Variants in RGSL1 observed in about 807,000 individuals in gnomAD.
The protein encoded by RGSL1 is regulator of G protein signaling protein-like.
In RGSL1, 97 loss-of-function variants were observed where a neutral mutation model predicts 124.7. The observed-to-expected ratio is 0.78, with a 90% CI of 0.66 to 0.92. The LOEUF (loss-of-function observed/expected upper bound fraction) is 0.92. RGSL1 is among the 40% of genes least tolerant of loss of function. RGSL1 has a pLI of 0.00. For missense variants in RGSL1, 1,233 were observed against 1,288.4 expected (o/e 0.96, Z 0.66); for synonymous variants, 424 against 438.1 (o/e 0.97, Z 0.40).
In RGSL1 at chr1:182,460,020, G is replaced by T. The variant is rs551932979; in HGVS notation, c.188G>T (p.Gly63Val). ...TGACTCTAGATTGCCAAATACAAAG[G>T]GTTATTGACCTGGTTGGAAAAATGC... ...IPCNLIAKYKGLLTWLEKCRL... is the reference protein window; with the variant it reads ...IPCNLIAKYKVLLTWLEKCRL... The change falls in exon 4 of 22, where the codon GGG becomes GTG. Residue 63 changes from glycine to valine, a missense_variant. Transcript: ENST00000294854. The T allele has an allele frequency of 1.3e-6, 2 of 1,551,430 alleles. No individual in the cohort carries two copies. The highest frequency in any genetic ancestry group is 1.7e-6 in the Non-Finnish European group (2 of 1,146,916).
chr1:182,506,373 T>A (rs902414834), intron 9 of RGSL1, among the ~76,000 whole-genome samples: 1 of 152,176 alleles, frequency 6.6e-6, no homozygotes, highest in Non-Finnish European at 1.5e-5. Context: ...ACATTACTAA[T>A]CTCCCACTCT....
chr1:182,457,766 T>C (rs1161954027), intron 2 of RGSL1, among the ~76,000 whole-genome samples: 1 of 152,224 alleles, frequency 6.6e-6, no homozygotes, highest in Non-Finnish European at 1.5e-5. Context: ...CAAAGGGGGT[T>C]GCCTAGGTGA....
chr1:182,557,958 C>T (rs928443359), intron 21 of RGSL1, among the ~76,000 whole-genome samples: 2 of 152,042 alleles, frequency 1.3e-5, no homozygotes, highest in African/African-American at 2.4e-5. Context: ...GTGGTAGAGA[C>T]TGTGGTGAAC....
intron 18 of RGSL1, among the ~76,000 whole-genome samples, chr1:182,551,697 A>T (rs1456531530): frequency 6.6e-6 from 1 of 152,134 alleles, no homozygotes; most frequent in Non-Finnish European, 1.5e-5. Context: ...ACACATATTT[A>T]CTTATGTAAA....
Position 182,548,361 on chromosome 1 carries a change from G to A in RGSL1, c.2714G>A (p.Arg905Gln), listed in dbSNP as rs202140120. 155 of 1,551,808 alleles carry A rather than the reference G, an allele frequency of 1.0e-4. No individual in the cohort carries two copies. The highest frequency in any genetic ancestry group is 1.2e-4 in the Non-Finnish European group (139 of 1,147,000). The change falls in exon 16 of 22, where the codon CGG becomes CAG. Residue 905 changes from arginine (R) to glutamine (Q), a missense_variant. Physicochemically the swap from Arg to Gln is conservative, Grantham distance 43. Transcript: ENST00000294854. ...TCAGCCCACATGCTGCAGGTCAACC[G>A]GGCATATAATGAGAATGATGTGATC... The part of the protein sequence containing the change: ...VSSAHMLQVN[R>Q]AYNENDVILM...
At chr1:182,472,012 G>A (rs1018482925) in intron 4 of RGSL1, among the ~76,000 whole-genome samples, 1 of 152,130 alleles carries the variant, frequency 6.6e-6, no homozygotes, top group African/African-American at 2.4e-5. Flanking sequence ...GCATCTTTTG[G>A]CTCCAGTGTC....
At position 182,472,330 on chromosome 1, in the gene RGSL1, C is replaced by T. The variant is rs1039522369; in HGVS notation, c.302-66C>T. 3.6e-5 allele frequency: 51 copies of T among 1,434,662 alleles called. No individual in the cohort carries two copies. In the African/African-American group the frequency reaches 7.0e-4, roughly 20 times the overall value. The allele number at this position is 1,434,662 out of a possible 1,614,324, so 88.9% of individuals were successfully genotyped here. ...TGGTGGGGGATGTCAGTTGATTCAC[C>T]CAGATGCAACCACCAAAGGGGCAAA... On this transcript the variant is annotated intron_variant, in intron 4 of 21. Coordinates refer to ENST00000294854, the MANE Select transcript of RGSL1 (RefSeq NM_001137669.2).
intron 17 of RGSL1, chr1:182,550,662 T>C: frequency 6.3e-6 from 1 of 159,248 alleles, no homozygotes; most frequent in South Asian, 1.9e-4. Context: ...TAGAGTGAGG[T>C]GGTCAAGGCT....
In RGSL1 at chr1:182,461,359, A is replaced by C. The variant is rs74128927; in HGVS notation, c.301+1226A>C. Among the ~76,000 whole-genome samples the C allele has an allele frequency of 7.4e-3, 1,118 of 150,766 alleles. 26 individuals carry two copies. The highest frequency in any genetic ancestry group is 0.026 in the African/African-American group (1,062 of 41,120). On this transcript the variant is annotated intron_variant, in intron 4 of 21. Coordinates refer to ENST00000294854, the MANE Select transcript of RGSL1 (RefSeq NM_001137669.2). Reference sequence around the variant, plus strand: ...ACAACTAACAAAATTAACAACAAAAACCCCCCCAGCAAACTCTGTGAAAAG... The same window carrying C: ...ACAACTAACAAAATTAACAACAAAACCCCCCCCAGCAAACTCTGTGAAAAG...
At chr1:182,460,254 A>T (rs1652710585) in intron 4 of RGSL1, 121 bp downstream of exon 4, 4 of 1,313,168 alleles carry the variant, frequency 3.0e-6, no homozygotes, top group Non-Finnish European at 4.0e-6. Context: ...GTGTAGAAAT[A>T]TAGGAAGTCA....
Position 182,473,723 on chromosome 1 carries a change from G to T in RGSL1, c.612G>T (p.Lys204Asn). ...FYTHTKMTMA[K>N]EEACHGLMQE... The stretch of plus-strand genomic sequence containing the variant: ...CCCACACCAAGATGACCATGGCCAA[G>T]GAGGAAGCATGCCATGGTCTGATGC... The change falls in exon 6 of 22, where the codon AAG (lysine) becomes AAT (asparagine). Residue 204 changes from lysine (K) to asparagine (N), a missense_variant. Physicochemically the swap from Lys to Asn is moderately conservative, Grantham distance 94. Transcript: ENST00000294854. 6.4e-7 allele frequency: 1 copy of T among 1,551,792 alleles called. No individual in the cohort carries two copies. Among genetic ancestry groups the T allele is most frequent in the South Asian group, 1.2e-5 (1 of 84,062 alleles).
intron 14 of RGSL1, among the ~76,000 whole-genome samples, chr1:182,538,603 A>G (rs1310425928): frequency 1.3e-5 from 2 of 152,192 alleles, no homozygotes; most frequent in African/African-American, 4.8e-5. Context: ...TGTAGGGAAT[A>G]TACTACACAA....
chr1:182,533,269 G>A (rs992592463), intron 14 of RGSL1, among the ~76,000 whole-genome samples: 6 of 146,418 alleles, frequency 4.1e-5, no homozygotes, highest in Non-Finnish European at 5.9e-5. Context: ...CAAAATTGAT[G>A]CCACATATTT....
At position 182,512,421 on chromosome 1, in the gene RGSL1, C is replaced by A. The variant is rs534126972; in HGVS notation, c.1826-9583C>A. Among the ~76,000 whole-genome samples the A allele has an allele frequency of 7.9e-5, 12 of 152,314 alleles. No individual in the cohort carries two copies. In the East Asian group the frequency reaches 2.1e-3, roughly 27 times the overall value. ...GAAATGGGAGAGTTCCCTGACCCCC[C>A]CTCTGCAGAAGGTGCAACAGGGGTG... On this transcript the variant is annotated intron_variant, in intron 9 of 21. Transcript: ENST00000294854.
At chr1:182,517,158 T>C (rs926323305) in intron 9 of RGSL1, among the ~76,000 whole-genome samples, 4 of 152,154 alleles carry the variant, frequency 2.6e-5, no homozygotes, top group African/African-American at 9.7e-5. Context: ...CATGGCAGTG[T>C]TTTTCTTTCA....
chr1:182,464,259 T>C lies in RGSL1; in HGVS notation c.301+4126T>C, dbSNP rs74446808. 3.5e-3 allele frequency among the ~76,000 whole-genome samples: 538 copies of C among 152,154 alleles called. 13 individuals are homozygous for C. In the East Asian group the frequency reaches 0.057, roughly 16 times the overall value. Reference sequence around the variant, plus strand: ...AAGAAAAATCTCAAATAACACAACTTTACAACTTAAGGCTCTAGAAAAAGA... The same window carrying C: ...AAGAAAAATCTCAAATAACACAACTCTACAACTTAAGGCTCTAGAAAAAGA... On this transcript the variant is annotated intron_variant, in intron 4 of 21. Coordinates refer to ENST00000294854, the MANE Select transcript of RGSL1 (RefSeq NM_001137669.2).
At chr1:182,544,235 T>A (rs934418099) in intron 15 of RGSL1, among the ~76,000 whole-genome samples, 1 of 152,140 alleles carries the variant, frequency 6.6e-6, no homozygotes, top group Non-Finnish European at 1.5e-5. Flanking sequence ...TTAAATTTTC[T>A]CCTTTATTTC....
At chr1:182,553,345 A>T (rs1660679084) in intron 18 of RGSL1, 110 bp from the exon 19 acceptor site, 2 of 759,986 alleles carry the variant, frequency 2.6e-6, no homozygotes, top group African/African-American at 3.5e-5. Flanking sequence ...TATCATTAAC[A>T]TTTTGTAATC....
At chr1:182,471,399 G>A (rs1276654229) in intron 4 of RGSL1, 1 of 457,214 alleles carries the variant, frequency 2.2e-6, no homozygotes, top group East Asian at 7.0e-5. Context: ...GGGTTCTTGG[G>A]GTTGTTCCTG....
Sources: allele counts gnomAD v4.1 joint callset (sites outside exome capture counted in the v4.1 genomes callset), GRCh38; gene constraint gnomAD v4.1.1; transcripts MANE v1.5; gene names NCBI Gene and HGNC (gene_info 2026-07-23, HGNC 2026-07-21).